The following SLC9C1 variants were observed in gnomAD, a reference collection of about 807,000 sequenced individuals.
The protein encoded by SLC9C1 is sodium/hydrogen exchanger 10.
In SLC9C1, 97 loss-of-function variants were observed where a neutral mutation model predicts 140.9. That is an observed-to-expected ratio of 0.69 (90% CI 0.58 to 0.82). The LOEUF is 0.82. Among genes scored for constraint, SLC9C1 ranks in the 40% least tolerant of loss-of-function variants. The pLI is 0.00. For synonymous variants in SLC9C1, 440 were observed against 442.6 expected, an observed-to-expected ratio of 0.99 and a Z score of 0.07; for missense variants, 1,340 against 1,389.3, an observed-to-expected ratio of 0.96 and a Z score of 0.56.
At chr3:112,202,928 G>C (rs2108039629) in intron 17 of SLC9C1, among the ~76,000 whole-genome samples, 1 of 152,030 alleles carries the variant, frequency 6.6e-6, no homozygotes, top group Admixed American at 6.6e-5. Flanking sequence ...AGCTTCTGCA[G>C]AGTTCATTGA....
intron 20 of SLC9C1, among the ~76,000 whole-genome samples, chr3:112,194,012 G>A (rs936989264): frequency 6.6e-6 from 1 of 152,102 alleles, no homozygotes. Context: ...ATAGCAACTG[G>A]TCCCATGAGC....
intron 28 of SLC9C1, among the ~76,000 whole-genome samples, chr3:112,148,544 T>G (rs1252570313): frequency 6.6e-6 from 1 of 152,222 alleles, no homozygotes; most frequent in Non-Finnish European, 1.5e-5. Flanking sequence ...TTTGCTACTG[T>G]AGCTCTATGT....
chr3:112,263,129 T>G (rs540132922), intron 9 of SLC9C1, 31 bp from the exon 10 acceptor site: 114 of 1,522,674 alleles, frequency 7.5e-5, no homozygotes, highest in Non-Finnish European at 9.6e-5. Flanking sequence ...TACAAAGTTA[T>G]TCTTTCATAT....
At chr3:112,274,802 A>C in intron 6 of SLC9C1, 95 bp downstream of exon 6, 5 of 1,189,228 alleles carry the variant, frequency 4.2e-6, no homozygotes, top group Non-Finnish European at 5.7e-6. Flanking sequence ...TATTCCTACA[A>C]ATATAACTTA....
chr3:112,241,565 A>T (rs1156583986), intron 11 of SLC9C1, among the ~76,000 whole-genome samples: 1 of 152,202 alleles, frequency 6.6e-6, no homozygotes, highest in Non-Finnish European at 1.5e-5. Flanking sequence ...TTGAACTACT[A>T]ATGTCATTTT....
At chr3:112,184,570 G>A (rs371650619) in intron 20 of SLC9C1, among the ~76,000 whole-genome samples, 22 of 152,174 alleles carry the variant, frequency 1.4e-4, no homozygotes, top group Non-Finnish European at 1.5e-4. Context: ...CGGGAGACGG[G>A]GGTTGCAGTG....
chr3:112,223,422 G>A (rs1218073767), intron 13 of SLC9C1, among the ~76,000 whole-genome samples: 1 of 152,152 alleles, frequency 6.6e-6, no homozygotes, highest in African/African-American at 2.4e-5. Flanking sequence ...TAACATAGAG[G>A]TAGATTGAGA....
intron 28 of SLC9C1, 70 bp from the exon 29 acceptor site, chr3:112,141,351 C>G: frequency 6.7e-7 from 1 of 1,499,224 alleles, no homozygotes; most frequent in Non-Finnish European, 9.0e-7. Context: ...ACTTACAACC[C>G]AGAATAGGAT....
chr3:112,272,166 C>T (rs902211065), intron 6 of SLC9C1, among the ~76,000 whole-genome samples: 4 of 152,124 alleles, frequency 2.6e-5, no homozygotes, highest in African/African-American at 9.7e-5. Context: ...TCTCCTGTCA[C>T]TGAAATATAG....
chr3:112,236,393 A>C (rs2078987074), intron 12 of SLC9C1, among the ~76,000 whole-genome samples: 1 of 151,798 alleles, frequency 6.6e-6, no homozygotes, highest in Admixed American at 6.6e-5. Context: ...GTGGTCTATC[A>C]ATTTGGTTGA....
intron 11 of SLC9C1, among the ~76,000 whole-genome samples, chr3:112,242,044 A>G (rs569882968): frequency 6.6e-6 from 1 of 152,326 alleles, no homozygotes; most frequent in East Asian, 1.9e-4. Context: ...CTTGAGAAAT[A>G]ATTTTTGGCT....
At chr3:112,233,548 T>C (rs567139927) in intron 12 of SLC9C1, among the ~76,000 whole-genome samples, 18 of 152,176 alleles carry the variant, frequency 1.2e-4, no homozygotes, top group Non-Finnish European at 4.4e-5. Flanking sequence ...TAGTTACATA[T>C]GTATACATGT....
At chr3:112,240,069 A>T (rs948306111) in intron 11 of SLC9C1, 63 bp from the exon 12 acceptor site, 1 of 1,453,556 alleles carries the variant, frequency 6.9e-7, no homozygotes, top group Non-Finnish European at 9.2e-7. Flanking sequence ...TGGGTTAGAA[A>T]GCTTACTTTT....
chr3:112,274,801 A>C (rs934745489), intron 6 of SLC9C1, 96 bp downstream of exon 6: 5 of 1,165,662 alleles, frequency 4.3e-6, no homozygotes, highest in Non-Finnish European at 5.8e-6. Flanking sequence ...ATATTCCTAC[A>C]AATATAACTT....
intron 14 of SLC9C1, among the ~76,000 whole-genome samples, chr3:112,219,451 A>C (rs1266328840): frequency 6.6e-6 from 1 of 152,240 alleles, no homozygotes; most frequent in African/African-American, 2.4e-5. Flanking sequence ...TATATCTCTT[A>C]CATGCATGCA....
At chr3:112,188,017 C>T (rs2077573026) in intron 20 of SLC9C1, among the ~76,000 whole-genome samples, 1 of 151,898 alleles carries the variant, frequency 6.6e-6, no homozygotes, top group South Asian at 2.1e-4. Context: ...TATGTTTCCA[C>T]ATCTATTTAC....
At chr3:112,185,464 A>T in intron 20 of SLC9C1, 1 of 1,600,936 alleles carries the variant, frequency 6.2e-7, no homozygotes, top group Non-Finnish European at 8.5e-7. Flanking sequence ...AGTTTTTTCC[A>T]GCGTGGGGCG....
At chr3:112,226,162 T>G (rs1443921394) in intron 13 of SLC9C1, among the ~76,000 whole-genome samples, 1 of 152,078 alleles carries the variant, frequency 6.6e-6, no homozygotes, top group Non-Finnish European at 1.5e-5. Context: ...GCCCCCCAAA[T>G]TTTTAAAAAA....
At chr3:112,283,652 C>G (rs1440183669) in intron 2 of SLC9C1, among the ~76,000 whole-genome samples, 1 of 152,056 alleles carries the variant, frequency 6.6e-6, no homozygotes, top group Admixed American at 6.6e-5. Flanking sequence ...TTTGTGAACT[C>G]ATAGGCAGTT....
Sources: allele counts gnomAD v4.1 joint callset (sites outside exome capture counted in the v4.1 genomes callset), GRCh38; gene constraint gnomAD v4.1.1; transcripts MANE v1.5; gene names NCBI Gene and HGNC (gene_info 2026-07-23, HGNC 2026-07-21).